MGLL: variants seen among roughly 807,000 people sequenced by gnomAD.
MGLL encodes lysophospholipase homolog.
A neutral mutation model predicts 29.1 loss-of-function variants in MGLL; 7 were observed. The ratio of observed to expected loss-of-function variants is 0.24; its 90% CI spans 0.14 to 0.45. The LOEUF is 0.45. Among genes scored for constraint, MGLL ranks in the 20% least tolerant of loss-of-function variants. The pLI, the probability that MGLL is intolerant of heterozygous loss-of-function variation, is 0.99. For missense variants in MGLL, 356 were observed against 413.6 expected (o/e 0.86, Z 1.21); for synonymous variants, 148 against 168.3 (o/e 0.88, Z 0.93).
intron 2 of MGLL, among the ~76,000 whole-genome samples, chr3:127,793,969 T>C (rs977139138): frequency 1.3e-5 from 2 of 152,258 alleles, no homozygotes; most frequent in Non-Finnish European, 2.9e-5. Flanking sequence ...CTATCGTCTA[T>C]GATGTTAGAC....
chr3:127,694,887 G>A (rs780146858), intron 7 of MGLL, 88 bp downstream of exon 7: 394 of 1,345,794 alleles, frequency 2.9e-4, no homozygotes, highest in Non-Finnish European at 3.6e-4. Flanking sequence ...GGTGGCCCTC[G>A]AGGGTCTGGG....
At chr3:127,709,117 C>A (rs769510689) in intron 6 of MGLL, among the ~76,000 whole-genome samples, 9 of 152,150 alleles carry the variant, frequency 5.9e-5, no homozygotes, top group Non-Finnish European at 1.0e-4. Flanking sequence ...TGGCTTTGGT[C>A]TTTCTGGGTC....
intron 2 of MGLL, among the ~76,000 whole-genome samples, chr3:127,786,360 A>G (rs989012326): frequency 6.6e-6 from 1 of 152,238 alleles, no homozygotes; most frequent in Non-Finnish European, 1.5e-5. Flanking sequence ...TAGCAGAGCC[A>G]TTTATGCAGA....
chr3:127,703,557 G>C (rs113636045), intron 6 of MGLL, among the ~76,000 whole-genome samples: 1 of 152,272 alleles, frequency 6.6e-6, no homozygotes, highest in East Asian at 1.9e-4. Flanking sequence ...GTATTCAGGC[G>C]CATTCAGGAT....
intron 6 of MGLL, among the ~76,000 whole-genome samples, chr3:127,702,085 T>A (rs1576475558): frequency 6.6e-6 from 1 of 152,184 alleles, no homozygotes. Flanking sequence ...CAAGACTGAG[T>A]GTGGCTTCCA....
chr3:127,798,284 C>T (rs759810443), intron 2 of MGLL, among the ~76,000 whole-genome samples: 2 of 152,170 alleles, frequency 1.3e-5, no homozygotes, highest in East Asian at 1.9e-4. Context: ...GTTCTCTATG[C>T]GTCAGACTCT....
rs1350846182 is a variant in MGLL at position 127,690,370 on chromosome 3, C to T, written c.*1828G>A. 1.3e-5 allele frequency: 2 copies of T among 152,248 alleles called. No homozygotes were observed. Among genetic ancestry groups the T allele is most frequent in the Non-Finnish European group, 2.9e-5 (2 of 68,056 alleles). The allele number at this position is 152,248 out of a possible 1,614,324, so 9.4% of individuals were successfully genotyped here. ...GTCAGCAACCAAGCCCCCACCTGCC[C>T]CTTGTGGGGTGAGGGCTTGGCTCCT... On this transcript the variant is annotated 3_prime_UTR_variant, in exon 8 of 8. Transcript: ENST00000265052.
chr3:127,700,821 G>T (rs7622033), intron 6 of MGLL, among the ~76,000 whole-genome samples: 1 of 152,060 alleles, frequency 6.6e-6, no homozygotes, highest in African/African-American at 2.4e-5. Flanking sequence ...GTGCACACGT[G>T]GAAAGCCCCG....
chr3:127,820,687 A>T (rs1188602015), intron 2 of MGLL, among the ~76,000 whole-genome samples: 1 of 152,204 alleles, frequency 6.6e-6, no homozygotes, highest in Non-Finnish European at 1.5e-5. Context: ...ACGTACAGAC[A>T]CATTCTTTAA....
At position 127,691,122 on chromosome 3, in the gene MGLL, G is replaced by A. The variant is rs2075233645; in HGVS notation, c.*1076C>T. On this transcript the variant is annotated 3_prime_UTR_variant, in exon 8 of 8. Coordinates refer to ENST00000265052, the MANE Select transcript of MGLL (RefSeq NM_007283.7). ...ATAGGCAGGCCCAGGCCCAGGCCTAGGGATCATAGCCCCATAGGGTGCCAC... is the reference window on the plus strand; with the variant it reads ...ATAGGCAGGCCCAGGCCCAGGCCTAAGGATCATAGCCCCATAGGGTGCCAC... 6.5e-6 allele frequency: 1 copy of A among 152,724 alleles called. No individual in the cohort carries two copies. Among genetic ancestry groups the A allele is most frequent in the Non-Finnish European group, 1.5e-5 (1 of 68,102 alleles). The allele number at this position is 152,724 out of a possible 1,614,324, so 9.5% of individuals were successfully genotyped here. A position where few individuals can be genotyped will look rare whatever the true frequency, so the allele number is the denominator to read the frequency against.
chr3:127,780,758 CCT>C (rs575319118), intron 3 of MGLL, among the ~76,000 whole-genome samples: 233 of 152,336 alleles, frequency 1.5e-3, no homozygotes, highest in Non-Finnish European at 2.9e-3. Flanking sequence ...TCATTGCTCC[CCT>C]GTCCCTCTTT....
At chr3:127,790,342 G>A (rs1016255679) in intron 2 of MGLL, among the ~76,000 whole-genome samples, 9 of 152,214 alleles carry the variant, frequency 5.9e-5, no homozygotes, top group African/African-American at 7.2e-5. Context: ...TCAGCATTAC[G>A]TAACATTCTA....
intron 4 of MGLL, among the ~76,000 whole-genome samples, chr3:127,721,519 T>TTTTTG (rs2075924302): frequency 6.7e-6 from 1 of 150,070 alleles, no homozygotes. Context: ...TTTTTTTTTT[T>TTTTTG]TTTTTTTTTT....
chr3:127,766,571 G>T (rs566214835), intron 3 of MGLL, among the ~76,000 whole-genome samples: 2 of 152,058 alleles, frequency 1.3e-5, no homozygotes, highest in Non-Finnish European at 2.9e-5. Flanking sequence ...GCCAAGCAGG[G>T]GCACTCTTAT....
chr3:127,800,524 A>G (rs886326359), intron 2 of MGLL, among the ~76,000 whole-genome samples: 1 of 152,200 alleles, frequency 6.6e-6, no homozygotes, highest in Non-Finnish European at 1.5e-5. Context: ...AACAACATAG[A>G]ATATACACAA....
intron 2 of MGLL, among the ~76,000 whole-genome samples, chr3:127,797,908 C>T (rs2077412091): frequency 6.6e-6 from 1 of 152,130 alleles, no homozygotes; most frequent in African/African-American, 2.4e-5. Context: ...CATACCTGGC[C>T]CACCGTACCT....
intron 3 of MGLL, among the ~76,000 whole-genome samples, chr3:127,741,292 C>T (rs1188176779): frequency 2.0e-5 from 3 of 152,226 alleles, no homozygotes; most frequent in African/African-American, 7.2e-5. Flanking sequence ...GACCCCAGCT[C>T]CAGGCCATGC....
intron 2 of MGLL, among the ~76,000 whole-genome samples, chr3:127,814,856 C>T (rs1576322961): frequency 1.3e-5 from 2 of 152,318 alleles, no homozygotes; most frequent in African/African-American, 4.8e-5. Context: ...AAGGCAGAAG[C>T]ATCAGAAGGA....
At chr3:127,696,008 G>A (rs755052261) in intron 6 of MGLL, among the ~76,000 whole-genome samples, 2 of 152,170 alleles carry the variant, frequency 1.3e-5, no homozygotes, top group Non-Finnish European at 2.9e-5. Context: ...GAGGGGCTTC[G>A]GCCAGGCACT....
Sources: allele counts gnomAD v4.1 joint callset (sites outside exome capture counted in the v4.1 genomes callset), GRCh38; gene constraint gnomAD v4.1.1; transcripts MANE v1.5; gene names NCBI Gene and HGNC (gene_info 2026-07-23, HGNC 2026-07-21).